UNC5D: variants seen among roughly 807,000 people sequenced by gnomAD.
UNC5D encodes the protein unc-5 netrin receptor D.
In UNC5D, 39 loss-of-function variants were observed where a neutral mutation model predicts 105.4. The ratio of observed to expected loss-of-function variants is 0.37; its 90% confidence interval spans 0.29 to 0.48. The LOEUF is 0.48. Ranked by LOEUF, UNC5D falls within the 20% of genes least tolerant of loss-of-function variation. The probability of loss-of-function intolerance (pLI) is 0.98; values close to 1 mark genes in which losing one functional copy is unlikely to be tolerated. For missense variants in UNC5D, 991 were observed against 1,202.4 expected (o/e 0.82, Z 2.60); for synonymous variants, 452 against 450.4 (o/e 1.00, Z -0.04).
chr8:35,329,711 C>T (rs1810463619), intron 1 of UNC5D, among the ~76,000 whole-genome samples: 1 of 152,116 alleles, frequency 6.6e-6, no homozygotes, highest in Admixed American at 6.6e-5. Context: ...GGGCCTAGTG[C>T]AATTGCCCCA....
At chr8:35,725,187 C>T (rs1828793732) in intron 9 of UNC5D, among the ~76,000 whole-genome samples, 1 of 152,036 alleles carries the variant, frequency 6.6e-6, no homozygotes, top group African/African-American at 2.4e-5. Context: ...TTTTGTCAGG[C>T]CCCAAAGGAA....
chr8:35,682,588 A>G (rs375882700), intron 4 of UNC5D, among the ~76,000 whole-genome samples: 1 of 152,226 alleles, frequency 6.6e-6, no homozygotes, highest in East Asian at 1.9e-4. Context: ...TTGCTTAGAC[A>G]TGGAAGCAGA....
intron 1 of UNC5D, among the ~76,000 whole-genome samples, chr8:35,299,424 T>G (rs1453438399): frequency 6.6e-6 from 1 of 152,220 alleles, no homozygotes; most frequent in African/African-American, 2.4e-5. Context: ...ATCCTTAAGC[T>G]GGACAGTGAT....
intron 1 of UNC5D, among the ~76,000 whole-genome samples, chr8:35,542,195 T>G (rs1815325649): frequency 6.6e-6 from 1 of 152,148 alleles, no homozygotes; most frequent in African/African-American, 2.4e-5. Flanking sequence ...AGAGTCTGTG[T>G]TTCATAAATT....
At chr8:35,673,628 T>C (rs932628971) in intron 4 of UNC5D, among the ~76,000 whole-genome samples, 3 of 152,182 alleles carry the variant, frequency 2.0e-5, no homozygotes, top group African/African-American at 7.2e-5. Context: ...AATAAGATAG[T>C]GTATTGAATG....
At chr8:35,422,864 C>T (rs1806006004) in intron 1 of UNC5D, among the ~76,000 whole-genome samples, 1 of 152,086 alleles carries the variant, frequency 6.6e-6, no homozygotes, top group African/African-American at 2.4e-5. Context: ...CCCGTGCTCC[C>T]CCTAGTCTAT....
intron 1 of UNC5D, among the ~76,000 whole-genome samples, chr8:35,242,888 A>G (rs1177674822): frequency 2.0e-5 from 3 of 152,226 alleles, no homozygotes; most frequent in Admixed American, 6.5e-5. Context: ...TGTTAGCAAC[A>G]GTACTTATTT....
chr8:35,596,734 G>T (rs1374895940), intron 4 of UNC5D, among the ~76,000 whole-genome samples: 2 of 152,174 alleles, frequency 1.3e-5, no homozygotes, highest in Non-Finnish European at 2.9e-5. Flanking sequence ...CAGGTCACAG[G>T]TAGATAAGGG....
At chr8:35,558,752 G>A (rs561650713) in intron 2 of UNC5D, among the ~76,000 whole-genome samples, 7 of 152,264 alleles carry the variant, frequency 4.6e-5, no homozygotes, top group African/African-American at 1.7e-4. Flanking sequence ...GGAGGCCGAG[G>A]TGGGCGGGTC....
Position 35,453,575 on chromosome 8 carries a change from A to G in UNC5D, c.104-95717A>G, listed in dbSNP as rs539835088. ...GAATAATTTTGTTTCCTTCACATTT[A>G]GTTTTAAATTTGTATCCTGGGAACA... On this transcript the variant is annotated intron_variant, in intron 1 of 16. Coordinates refer to ENST00000404895, the MANE Select transcript of UNC5D (RefSeq NM_080872.4). Among the ~76,000 whole-genome samples, 65 of 152,282 alleles carry G rather than the reference A, an allele frequency of 4.3e-4. No homozygotes were observed. The South Asian group carries it at 0.011, about 26-fold the overall frequency.
chr8:35,466,364 G>A (rs930409671), intron 1 of UNC5D, among the ~76,000 whole-genome samples: 31 of 151,986 alleles, frequency 2.0e-4, no homozygotes, highest in Admixed American at 1.8e-3. Context: ...TTTCTTATTA[G>A]ATACCTGTGT....
At chr8:35,599,241 A>G (rs1358184788) in intron 4 of UNC5D, among the ~76,000 whole-genome samples, 1 of 151,250 alleles carries the variant, frequency 6.6e-6, no homozygotes, top group African/African-American at 2.4e-5. Flanking sequence ...TTGAGGAGAC[A>G]TTGGTCAAAG....
intron 4 of UNC5D, among the ~76,000 whole-genome samples, chr8:35,601,033 C>G (rs965246360): frequency 9.9e-5 from 15 of 152,166 alleles, no homozygotes; most frequent in Non-Finnish European, 1.6e-4. Context: ...GCCAGTTTTC[C>G]CAGCACCATT....
At chr8:35,585,615 T>A (rs1307883155) in intron 3 of UNC5D, among the ~76,000 whole-genome samples, 1 of 152,020 alleles carries the variant, frequency 6.6e-6, no homozygotes, top group Non-Finnish European at 1.5e-5. Flanking sequence ...TGAAAAGTTT[T>A]GTGCTATGTG....
At chr8:35,484,802 G>A (rs965325620) in intron 1 of UNC5D, among the ~76,000 whole-genome samples, 2 of 152,084 alleles carry the variant, frequency 1.3e-5, no homozygotes, top group South Asian at 4.1e-4. Flanking sequence ...CTTGCTTGAT[G>A]CTTAGAATAA....
intron 1 of UNC5D, among the ~76,000 whole-genome samples, chr8:35,315,159 T>TA (rs1205925340): frequency 1.3e-5 from 2 of 152,186 alleles, no homozygotes; most frequent in African/African-American, 4.8e-5. Context: ...CTCATACTTT[T>TA]AAAAATGATT....
intron 1 of UNC5D, among the ~76,000 whole-genome samples, chr8:35,432,534 T>C (rs74742976): frequency 0.02 from 3,045 of 152,298 alleles, 41 homozygotes; most frequent in Non-Finnish European, 0.033. Context: ...ATAAGCTTTA[T>C]AGTAAATATT....
At chr8:35,515,171 G>C (rs774308085) in intron 1 of UNC5D, among the ~76,000 whole-genome samples, 29 of 152,006 alleles carry the variant, frequency 1.9e-4, no homozygotes, top group Non-Finnish European at 7.4e-5. Context: ...TCTTGTATTC[G>C]GCAAAACTTT....
intron 1 of UNC5D, among the ~76,000 whole-genome samples, chr8:35,346,315 G>A (rs1215666265): frequency 6.6e-6 from 1 of 151,990 alleles, no homozygotes; most frequent in Non-Finnish European, 1.5e-5. Context: ...ATTTAAAACT[G>A]ATTAAGATTC....
Sources: allele counts gnomAD v4.1 joint callset (sites outside exome capture counted in the v4.1 genomes callset), GRCh38; gene constraint gnomAD v4.1.1; transcripts MANE v1.5; gene names NCBI Gene and HGNC (gene_info 2026-07-23, HGNC 2026-07-21).